RELL1: variants seen among roughly 807,000 people sequenced by gnomAD.
RELL1 encodes the protein RELT-like protein 1.
A neutral mutation model predicts 23.0 loss-of-function variants in RELL1; 10 were observed. The observed-to-expected ratio is 0.43, with a 90% CI of 0.27 to 0.74. The LOEUF (loss-of-function observed/expected upper bound fraction) is 0.74, where lower values mean the gene tolerates loss of function less well. RELL1 is among the 30% of genes least tolerant of loss of function. RELL1 has a pLI of 0.19. For missense variants in RELL1, 315 were observed against 364.4 expected (o/e 0.86, Z 1.10); for synonymous variants, 146 against 146.8 (o/e 0.99, Z 0.04).
intron 2 of RELL1, among the ~76,000 whole-genome samples, chr4:37,648,366 AAACC>A (rs1228536022): frequency 2.0e-5 from 3 of 152,218 alleles, no homozygotes; most frequent in Non-Finnish European, 4.4e-5. Flanking sequence ...GGGGTGGGAA[AAACC>A]AACAGTCCAG....
chr4:37,672,666 T>C (rs1721871361), intron 1 of RELL1, among the ~76,000 whole-genome samples: 1 of 150,118 alleles, frequency 6.7e-6, no homozygotes, highest in Admixed American at 6.7e-5. Flanking sequence ...TTAGTTTGTG[T>C]AACTACTGTT....
Position 37,686,272 on chromosome 4 carries a change from G to A in RELL1, c.16C>T (p.Leu6Phe). 3 of 1,545,386 alleles carry A rather than the reference G, an allele frequency of 1.9e-6. No individual in the cohort carries two copies. The highest frequency in any genetic ancestry group is 1.2e-5 in the South Asian group (1 of 84,798). ...GCGGCTAGGACGGCGGACCCCGGGAGTGCCCGCGGAGCCATCGCCGCGTCG... is the reference window on the plus strand; with the variant it reads ...GCGGCTAGGACGGCGGACCCCGGGAATGCCCGCGGAGCCATCGCCGCGTCG... MAPRA[L>F]PGSAVLAAAV... Residue 6 changes from leucine to phenylalanine, a missense_variant, in exon 1 of 7, where the codon CTC becomes TTC. Physicochemically the swap from Leu to Phe is conservative, Grantham distance 22 (BLOSUM62 0). Transcript: ENST00000454158.
At chr4:37,681,370 C>T (rs1170918639) in intron 1 of RELL1, among the ~76,000 whole-genome samples, 1 of 152,072 alleles carries the variant, frequency 6.6e-6, no homozygotes, top group Non-Finnish European at 1.5e-5. Context: ...GCCACTTTGC[C>T]ATTTACCCAG....
chr4:37,597,028 G>A (rs1195642554), intron 6 of RELL1, among the ~76,000 whole-genome samples: 5 of 151,632 alleles, frequency 3.3e-5, no homozygotes, highest in African/African-American at 1.2e-4. Flanking sequence ...GATTACAGGC[G>A]TGAGTCACCG....
downstream of RELL1, among the ~76,000 whole-genome samples, chr4:37,607,390 A>G (rs751963786): frequency 2.6e-5 from 4 of 152,208 alleles, no homozygotes; most frequent in Admixed American, 6.5e-5. Flanking sequence ...CAACTCTTCT[A>G]CAAGTCCAAA....
chr4:37,624,564 C>T (rs554790397), intron 6 of RELL1, among the ~76,000 whole-genome samples: 40 of 151,868 alleles, frequency 2.6e-4, no homozygotes, highest in African/African-American at 9.7e-4. Flanking sequence ...GCTGGGACTA[C>T]AGGCACCCGC....
chr4:37,618,892 CT>C (rs1719668716), intron 6 of RELL1, among the ~76,000 whole-genome samples: 1 of 150,752 alleles, frequency 6.6e-6, no homozygotes, highest in African/African-American at 2.4e-5. Flanking sequence ...CTTTTCTTTT[CT>C]TTTGAGACGG....
At chr4:37,675,268 A>C (rs1721989182) in intron 1 of RELL1, among the ~76,000 whole-genome samples, 1 of 152,248 alleles carries the variant, frequency 6.6e-6, no homozygotes, top group South Asian at 2.1e-4. Flanking sequence ...CTTTCCTTCT[A>C]CTAGTGGTGC....
In RELL1 at chr4:37,652,089, T is replaced by A. The variant is rs77482484; in HGVS notation, c.89-2589A>T. 1.3e-5 allele frequency among the ~76,000 whole-genome samples: 2 copies of A among 152,110 alleles called. 1 individual carries two copies. The highest frequency in any genetic ancestry group is 3.9e-4 in the East Asian group (2 of 5,180). The stretch of plus-strand genomic sequence containing the variant: ...AACTCCTGCATCATAATGATTATAA[T>A]GGGGACAATATGCCTGGTATGAAAT... On this transcript the variant is annotated intron_variant, in intron 1 of 6. Transcript: ENST00000454158.
rs754478384 is a variant in RELL1, at chr4:37,591,017, A to G, written c.*204T>C. The G allele has an allele frequency of 1.5e-5, 23 of 1,583,508 alleles. No individual in the cohort carries two copies. The East Asian group carries it at 4.9e-4, about 34-fold the overall frequency. On this transcript the variant is annotated 3_prime_UTR_variant, in exon 7 of 7. Transcript: ENST00000314117. ...ACTGATTAGGGGAGGGGATTTGCAC[A>G]GGGAGGTAAGCTGGTGTCATGCTGA...
chr4:37,674,290 C>T (rs907266588), intron 1 of RELL1, among the ~76,000 whole-genome samples: 2 of 152,132 alleles, frequency 1.3e-5, no homozygotes, highest in African/African-American at 2.4e-5. Context: ...ATAAGAGAAA[C>T]CTCATTTTTA....
intron 1 of RELL1, among the ~76,000 whole-genome samples, chr4:37,660,074 A>AT (rs1325130302): frequency 6.6e-6 from 1 of 152,074 alleles, no homozygotes; most frequent in African/African-American, 2.4e-5. Context: ...ACACACACCC[A>AT]TTTTTATTTA....
intron 4 of RELL1, 80 bp from the exon 5 acceptor site, chr4:37,635,203 GA>G: frequency 3.5e-6 from 4 of 1,142,926 alleles, no homozygotes; most frequent in Non-Finnish European, 3.9e-6. Context: ...TGTGATGACA[GA>G]AGCAGTTTAA....
chr4:37,610,536 T>C (rs1490877461), downstream of RELL1, among the ~76,000 whole-genome samples: 3 of 152,086 alleles, frequency 2.0e-5, no homozygotes, highest in Admixed American at 2.0e-4. This position sits in a 1 kb window ranked among gnomAD's most constrained non-coding sequence, Gnocchi z 4.1. Context: ...CACAAGAAAT[T>C]CAGCACTGTA....
At chr4:37,591,721 T>C (rs1349669509) in intron 6 of RELL1, 1 of 152,230 alleles carries the variant, frequency 6.6e-6, no homozygotes, top group African/African-American at 2.4e-5. Context: ...TTAAAACTGC[T>C]TATGTCATAT....
chr4:37,591,047 G>A lies in RELL1; in HGVS notation c.*174C>T, dbSNP rs140013528. Reference sequence around the variant, plus strand: ...GGTAAGCTGGTGTCATGCTGAGCATGCAGATGCATTTGCTCCCTGGATGCA... The same window carrying A: ...GGTAAGCTGGTGTCATGCTGAGCATACAGATGCATTTGCTCCCTGGATGCA... On this transcript the variant is annotated 3_prime_UTR_variant, in exon 7 of 7. Transcript: ENST00000314117. 2,674 of 1,508,066 alleles carry A rather than the reference G, an allele frequency of 1.8e-3. 46 individuals carry two copies. In the African/African-American group the frequency reaches 0.032, roughly 18 times the overall value. 93.4% of individuals were successfully genotyped at this position (1,508,066 alleles called of 1,614,324 possible).
chr4:37,586,569 A>C (rs567980067), downstream of RELL1, among the ~76,000 whole-genome samples: 3 of 152,270 alleles, frequency 2.0e-5, no homozygotes, highest in African/African-American at 7.2e-5. Flanking sequence ...GGATGTTACT[A>C]GTTTTCTGTG....
intron 6 of RELL1, among the ~76,000 whole-genome samples, chr4:37,629,780 G>A (rs1300127220): frequency 1.3e-5 from 2 of 152,152 alleles, no homozygotes; most frequent in African/African-American, 2.4e-5. Flanking sequence ...AACCCTCTGA[G>A]CCCGGCAGAT....
At chr4:37,618,331 C>T (rs1719643140) in intron 6 of RELL1, among the ~76,000 whole-genome samples, 1 of 151,936 alleles carries the variant, frequency 6.6e-6, no homozygotes, top group Non-Finnish European at 1.5e-5. Context: ...TTCAAGCTAC[C>T]ACTTTATCCT....
Sources: allele counts gnomAD v4.1 joint callset (sites outside exome capture counted in the v4.1 genomes callset), GRCh38; gene constraint gnomAD v4.1.1; non-coding constraint Gnocchi (gnomAD v3.1); transcripts MANE v1.5; gene names NCBI Gene and HGNC (gene_info 2026-07-23, HGNC 2026-07-21).